Variants in AGO3 observed in about 807,000 individuals in gnomAD.
AGO3 encodes the protein protein argonaute-3.
In AGO3, 16 loss-of-function variants were observed where a neutral mutation model predicts 105.5. The observed-to-expected ratio is 0.15, with a 90% CI of 0.10 to 0.23. The LOEUF (loss-of-function observed/expected upper bound fraction) is 0.23, where lower values mean the gene tolerates loss of function less well. Ranked by LOEUF, AGO3 falls within the 10% of genes least tolerant of loss-of-function variation. AGO3 has a pLI of 1.00. For synonymous variants in AGO3, 340 were observed against 367.3 expected (o/e 0.93, Z 0.85); for missense variants, 534 against 1,088.0 (o/e 0.49, Z 7.16).
chr1:35,953,420 T>C (rs918405548), intron 2 of AGO3, among the ~76,000 whole-genome samples: 1 of 152,262 alleles, frequency 6.6e-6, no homozygotes, highest in African/African-American at 2.4e-5. Context: ...TATCTCATTG[T>C]CGTTTTGACT....
intron 2 of AGO3, among the ~76,000 whole-genome samples, chr1:35,966,653 A>G (rs1303681835): frequency 6.6e-6 from 1 of 152,226 alleles, no homozygotes; most frequent in Non-Finnish European, 1.5e-5. Context: ...GGGAGTGCTT[A>G]GAGATGGTAA....
chr1:35,965,508 A>G lies in AGO3; in HGVS notation c.192-1447A>G, dbSNP rs1301940179. 9.4e-5 allele frequency among the ~76,000 whole-genome samples: 13 copies of G among 138,304 alleles called. No homozygotes were observed. In the East Asian group the frequency reaches 1.9e-3, roughly 20 times the overall value. The allele number at this position is 138,304 out of a possible 152,430, so 90.7% of individuals were successfully genotyped here. A position where few individuals can be genotyped will look rare whatever the true frequency, so the allele number is the denominator to read the frequency against. Reference sequence around the variant, plus strand: ...CTGTCTCAAAAAAAAAAAAAAAAAAAGAAAAAGAAAGAAACCAGATTTAGT... The same window carrying G: ...CTGTCTCAAAAAAAAAAAAAAAAAAGGAAAAAGAAAGAAACCAGATTTAGT... On this transcript the variant is annotated intron_variant, in intron 2 of 18. Coordinates refer to ENST00000373191, the MANE Select transcript of AGO3 (RefSeq NM_024852.4).
chr1:35,940,547 T>C (rs1216044449), intron 1 of AGO3, among the ~76,000 whole-genome samples: 1 of 152,144 alleles, frequency 6.6e-6, no homozygotes, highest in East Asian at 1.9e-4. Flanking sequence ...TCTTTACAAT[T>C]TAATTTAACA....
chr1:36,033,291 C>T (rs930989105), intron 12 of AGO3, among the ~76,000 whole-genome samples: 6 of 151,248 alleles, frequency 4.0e-5, no homozygotes, highest in African/African-American at 9.7e-5. Context: ...GAGCTGAGAT[C>T]GCGCCACTGC....
chr1:35,973,129 A>G (rs1646898221), intron 4 of AGO3, among the ~76,000 whole-genome samples: 1 of 152,096 alleles, frequency 6.6e-6, no homozygotes, highest in African/African-American at 2.4e-5. Context: ...CCTATTTTTA[A>G]GAAATTATTT....
chr1:36,026,830 A>C (rs1641527708), intron 11 of AGO3, among the ~76,000 whole-genome samples: 1 of 152,114 alleles, frequency 6.6e-6, no homozygotes, highest in African/African-American at 2.4e-5. Context: ...TGGGAATGGA[A>C]CTCTCCATAC....
At position 36,020,606 on chromosome 1, in the gene AGO3, C is replaced by CATTTATTTATTT. The variant is rs367968988; in HGVS notation, c.1407-6492_1407-6481dup. On this transcript the variant is annotated intron_variant, in intron 11 of 18. Transcript: ENST00000373191. ...GAAGTTATTTTTAATAACTGCCATA[C>CATTTATTTATTT]ATTTATTTATTTATTTATTTATTTA... 9.2e-5 allele frequency among the ~76,000 whole-genome samples: 14 copies of CATTTATTTATTT among 151,932 alleles called. No homozygotes were observed. In the East Asian group the frequency reaches 1.5e-3, roughly 17 times the overall value.
Position 36,062,403 on chromosome 1 carries a change from A to G in AGO3, c.*6658A>G, listed in dbSNP as rs1017023277. 1.3e-5 allele frequency: 2 copies of G among 152,188 alleles called. No individual in the cohort carries two copies. The highest frequency in any genetic ancestry group is 4.8e-5 in the African/African-American group (2 of 41,440). The allele number at this position is 152,188 out of a possible 1,614,324, so 9.4% of individuals were successfully genotyped here. A position where few individuals can be genotyped will look rare whatever the true frequency, so the allele number is the denominator to read the frequency against. On this transcript the variant is annotated 3_prime_UTR_variant, in exon 19 of 19. Coordinates refer to ENST00000373191, the MANE Select transcript of AGO3 (RefSeq NM_024852.4). The stretch of plus-strand genomic sequence containing the variant: ...TCATTCAGATCAGCTTAAGTGAGAA[A>G]GCAAAATGATAATCTCTATTGTTAG...
chr1:36,071,720 A>G lies in AGO3; in HGVS notation c.*15975A>G. ...GTATATCTATAAATCTTTTTTTAAA[A>G]TCTTCGGCTACACAGTAACATCAAT... On this transcript the variant is annotated 3_prime_UTR_variant, in exon 19 of 19. Transcript: ENST00000373191. 6.6e-6 allele frequency: 1 copy of G among 152,210 alleles called. No homozygotes were observed. Among genetic ancestry groups the G allele is most frequent in the East Asian group, 1.9e-4 (1 of 5,208 alleles). 9.4% of individuals were successfully genotyped at this position (152,210 alleles called of 1,614,324 possible). A position where few individuals can be genotyped will look rare whatever the true frequency, so the allele number is the denominator to read the frequency against.
At chr1:35,999,153 G>A (rs975147346) in intron 5 of AGO3, among the ~76,000 whole-genome samples, 2 of 152,154 alleles carry the variant, frequency 1.3e-5, no homozygotes, top group Non-Finnish European at 2.9e-5. Context: ...AGGAGTTTGA[G>A]ACCAGCCTGG....
At chr1:35,996,749 C>T (rs896600762) in intron 5 of AGO3, among the ~76,000 whole-genome samples, 10 of 144,016 alleles carry the variant, frequency 6.9e-5, no homozygotes, top group Non-Finnish European at 1.1e-4. Flanking sequence ...CCAGCCTGGG[C>T]GACGAGCAAA....
intron 5 of AGO3, among the ~76,000 whole-genome samples, chr1:35,997,937 TCCAC>T (rs763807341): frequency 2.6e-5 from 4 of 152,194 alleles, no homozygotes; most frequent in Non-Finnish European, 5.9e-5. Flanking sequence ...CCTCAGGTGA[TCCAC>T]CCGCCTTGGC....
In AGO3 at chr1:36,060,203, G is replaced by A. The variant is rs142376494; in HGVS notation, c.*4458G>A. Reference sequence around the variant, plus strand: ...AAGATCTAGACCAGTTTCCAAGCTAGCTTCTCCACAGCCCACCACTGCCTA... The same window carrying A: ...AAGATCTAGACCAGTTTCCAAGCTAACTTCTCCACAGCCCACCACTGCCTA... On this transcript the variant is annotated 3_prime_UTR_variant, in exon 19 of 19. Coordinates refer to ENST00000373191, the MANE Select transcript of AGO3 (RefSeq NM_024852.4). 6.6e-6 allele frequency: 1 copy of A among 152,340 alleles called. No homozygotes were observed. Among genetic ancestry groups the A allele is most frequent in the East Asian group, 1.9e-4 (1 of 5,194 alleles). 9.4% of individuals were successfully genotyped at this position (152,340 alleles called of 1,614,324 possible).
chr1:35,943,897 G>A (rs1297900391), intron 1 of AGO3, among the ~76,000 whole-genome samples: 1 of 152,038 alleles, frequency 6.6e-6, no homozygotes, highest in Admixed American at 6.6e-5. Flanking sequence ...CACCATGCCC[G>A]GCCTGTCTTA....
Position 35,973,477 on chromosome 1 carries a change from G to C in AGO3, c.624G>C (p.Arg208=), listed in dbSNP as rs1208510820. 6.3e-7 allele frequency: 1 copy of C among 1,587,584 alleles called. No individual in the cohort carries two copies. Among genetic ancestry groups the C allele is most frequent in the Non-Finnish European group, 8.6e-7 (1 of 1,163,624 alleles). ...EVWFGFHQSV[R]PAMWKMMLNI... is the part of the protein sequence containing the mutation. The stretch of plus-strand genomic sequence containing the variant: ...GGTTTGGATTCCATCAGTCTGTTCG[G>C]CCTGCCATGTGGAAAATGATGCTTA... The change falls in exon 5 of 19, where the codon CGG becomes CGC. Residue 208 remains arginine, a synonymous_variant. Transcript: ENST00000373191.
chr1:35,991,911 A>G (rs1647701049), intron 5 of AGO3, among the ~76,000 whole-genome samples: 1 of 151,960 alleles, frequency 6.6e-6, no homozygotes, highest in African/African-American at 2.4e-5. Context: ...AATATCTAGT[A>G]TTCTTGATTA....
rs1194038846 is a variant in AGO3, at chr1:36,009,475, G to T, written c.1030G>T (p.Val344Phe). The stretch of plus-strand genomic sequence containing the variant: ...GTACAAAACTTTTTTCCATTTGTAG[G>T]TCTGTAATATTGTGGCAGGGCAACG... ...EQKHTYLPLE[V>F]CNIVAGQRCI... Residue 344 changes from valine to phenylalanine, a missense_variant and splice_region_variant, in exon 9 of 19, where the codon GTC (valine) becomes TTC (phenylalanine). Around this residue, in one of 2 missense-constraint regions of AGO3, gnomAD observed 373 missense variants for 854.0 expected, o/e 0.44. Coordinates refer to ENST00000373191, the MANE Select transcript of AGO3 (RefSeq NM_024852.4). The T allele has an allele frequency of 6.2e-7, 1 of 1,610,040 alleles. No individual in the cohort carries two copies. Among genetic ancestry groups the T allele is most frequent in the Non-Finnish European group, 8.5e-7 (1 of 1,178,610 alleles).
chr1:35,931,490 C>T, intron 1 of AGO3, 45 bp downstream of exon 1: 2 of 1,430,340 alleles, frequency 1.4e-6, no homozygotes, highest in Non-Finnish European at 1.8e-6. Flanking sequence ...CACCCAGCTA[C>T]TGTCCTCTGA....
intron 14 of AGO3, among the ~76,000 whole-genome samples, chr1:36,038,411 A>G (rs1642107509): frequency 1.3e-5 from 2 of 151,914 alleles, no homozygotes. Flanking sequence ...GCACGCTGAC[A>G]CACCCGGCTA....
Sources: allele counts gnomAD v4.1 joint callset (sites outside exome capture counted in the v4.1 genomes callset), GRCh38; gene constraint gnomAD v4.1.1; regional missense constraint gnomAD v4.1.1; transcripts MANE v1.5; gene names NCBI Gene and HGNC (gene_info 2026-07-23, HGNC 2026-07-21).